The following NBAS variants were observed in gnomAD, a reference collection of about 807,000 sequenced individuals.
NBAS encodes NAG/BC035112 fusion.
Under a neutral mutation model 302.5 loss-of-function variants are expected in NBAS, and 219 were observed. That is an observed-to-expected ratio of 0.72 (90% CI 0.65 to 0.81). The LOEUF (loss-of-function observed/expected upper bound fraction) is 0.81. Among genes scored for constraint, NBAS ranks in the 30% least tolerant of loss-of-function variants. The pLI, the probability that NBAS is intolerant of heterozygous loss-of-function variation, is 0.00. For synonymous variants in NBAS, 1,118 were observed against 1,021.6 expected (o/e 1.09, Z -1.80); for missense variants, 2,932 against 2,841.6 (o/e 1.03, Z -0.72).
the NBAS span, among the ~76,000 whole-genome samples, chr2:14,907,142 A>G: frequency 6.6e-6 from 1 of 152,216 alleles, no homozygotes; most frequent in East Asian, 1.9e-4. Context: ...TGGGGTAGAA[A>G]GGATTTACTC....
intron 6 of NBAS, among the ~76,000 whole-genome samples, chr2:15,549,759 A>G (rs993206800): frequency 6.6e-6 from 1 of 152,080 alleles, no homozygotes; most frequent in Non-Finnish European, 1.5e-5. Context: ...AAATTACTAT[A>G]TAAATAAATA....
At position 15,431,602 on chromosome 2, in the gene NBAS, T is replaced by C. The variant is rs569251712; in HGVS notation, c.2340-3808A>G. On this transcript the variant is annotated intron_variant, in intron 21 of 51. Transcript: ENST00000281513. Reference sequence around the variant, plus strand: ...ACAACACAACAAAAAAATTTTAAAATGATCTCATGGATATCACAAAAATTT... The same window carrying C: ...ACAACACAACAAAAAAATTTTAAAACGATCTCATGGATATCACAAAAATTT... Among the ~76,000 whole-genome samples, 34 of 152,180 alleles carry C rather than the reference T, an allele frequency of 2.2e-4. 1 individual carries two copies. The highest frequency in any genetic ancestry group is 2.0e-3 in the Admixed American group (30 of 15,276).
the NBAS span, among the ~76,000 whole-genome samples, chr2:15,098,357 ATATTG>A: frequency 6.2e-5 from 1 of 16,064 alleles, no homozygotes; most frequent in Non-Finnish European, 1.7e-4. Flanking sequence ...AATATATGAT[ATATTG>A]TATATAATAT....
At position 15,218,809 on chromosome 2, in the gene NBAS, A is replaced by G; in HGVS notation, c.6396T>C (p.Thr2132=). Reference sequence around the variant, plus strand: ...GCCAGGAGGCTTTGAGAATGGCTTCAGTTCTAAAGAACACGAGGAGCTTGC... The same window carrying G: ...GCCAGGAGGCTTTGAGAATGGCTTCGGTTCTAAAGAACACGAGGAGCTTGC... The part of the protein sequence containing the change: ...EDSKLLVFFR[T]EAILKASWPQ... The change falls in exon 48 of 52, where the codon ACT becomes ACC. Residue 2132 remains threonine (T), a synonymous_variant. Coordinates refer to ENST00000281513, the MANE Select transcript of NBAS (RefSeq NM_015909.4). 6.2e-7 allele frequency: 1 copy of G among 1,614,272 alleles called. No homozygotes were observed. The highest frequency in any genetic ancestry group is 1.1e-5 in the South Asian group (1 of 91,090).
At chr2:14,854,062 T>C in the NBAS span, among the ~76,000 whole-genome samples, 13 of 148,148 alleles carry the variant, frequency 8.8e-5, no homozygotes, top group Admixed American at 6.0e-4. Context: ...CCCTAAAACT[T>C]AAAGTATAAT....
chr2:15,254,501 A>C (rs1668498190), intron 44 of NBAS, among the ~76,000 whole-genome samples: 1 of 152,200 alleles, frequency 6.6e-6, no homozygotes, highest in Non-Finnish European at 1.5e-5. Context: ...TTCTTCTTGC[A>C]TGTCACAAGG....
chr2:15,130,336 T>C, the NBAS span, among the ~76,000 whole-genome samples: 1 of 152,266 alleles, frequency 6.6e-6, no homozygotes, highest in Non-Finnish European at 1.5e-5. Context: ...CATTGCTTTT[T>C]TATTATTAAT....
At chr2:15,120,474 C>T in the NBAS span, among the ~76,000 whole-genome samples, 1 of 151,728 alleles carries the variant, frequency 6.6e-6, no homozygotes, top group Non-Finnish European at 1.5e-5. Context: ...CCTCATATGA[C>T]ACTCTGAAGT....
the NBAS span, among the ~76,000 whole-genome samples, chr2:14,926,871 T>C: frequency 2.0e-5 from 3 of 152,254 alleles, no homozygotes; most frequent in Non-Finnish European, 2.9e-5. Context: ...GTTAATTGTA[T>C]GTGTCAACTT....
At chr2:15,268,336 C>T (rs759036242) in intron 44 of NBAS, among the ~76,000 whole-genome samples, 1 of 152,154 alleles carries the variant, frequency 6.6e-6, no homozygotes, top group Admixed American at 6.5e-5. Context: ...GAAGTATATC[C>T]GTCCAACAAT....
the NBAS span, among the ~76,000 whole-genome samples, chr2:14,990,339 G>C: frequency 6.6e-6 from 1 of 151,172 alleles, no homozygotes; most frequent in South Asian, 2.1e-4. Flanking sequence ...CAGGAGAATC[G>C]ATTGAACCTG....
At chr2:15,469,786 A>C (rs944105856) in intron 16 of NBAS, among the ~76,000 whole-genome samples, 3 of 139,194 alleles carry the variant, frequency 2.2e-5, no homozygotes, top group Non-Finnish European at 3.0e-5. Flanking sequence ...GAATTGAACA[A>C]TGAGAACACA....
At chr2:15,126,719 G>A in the NBAS span, among the ~76,000 whole-genome samples, 6 of 152,276 alleles carry the variant, frequency 3.9e-5, no homozygotes, top group East Asian at 3.9e-4. Flanking sequence ...CAGTTGGTAG[G>A]TACTAAGGAG....
At chr2:15,011,384 TA>T in the NBAS span, among the ~76,000 whole-genome samples, 28 of 147,730 alleles carry the variant, frequency 1.9e-4, no homozygotes, top group East Asian at 7.9e-4. Context: ...TTTGAAGAGC[TA>T]AAAAAAAAAG....
At chr2:14,969,209 G>C in the NBAS span, among the ~76,000 whole-genome samples, 18 of 152,118 alleles carry the variant, frequency 1.2e-4, no homozygotes, top group Admixed American at 1.2e-3. Context: ...TGGGTACCGT[G>C]GGGTGAATGC....
intron 38 of NBAS, among the ~76,000 whole-genome samples, chr2:15,320,521 CCTT>C (rs1465356862): frequency 6.6e-6 from 1 of 152,182 alleles, no homozygotes; most frequent in Non-Finnish European, 1.5e-5. Flanking sequence ...CCCAAAATCT[CCTT>C]AAGCTGATAA....
intron 40 of NBAS, among the ~76,000 whole-genome samples, chr2:15,301,582 C>A (rs746110253): frequency 6.6e-6 from 1 of 152,228 alleles, no homozygotes; most frequent in Admixed American, 6.5e-5. Flanking sequence ...TGTCCAAGAA[C>A]AGAACACATC....
At chr2:14,881,039 A>G in the NBAS span, among the ~76,000 whole-genome samples, 12 of 152,214 alleles carry the variant, frequency 7.9e-5, no homozygotes, top group Non-Finnish European at 1.2e-4. Flanking sequence ...TTAAGACTCA[A>G]GAAAGAAAAA....
At chr2:14,788,515 C>G in the NBAS span, among the ~76,000 whole-genome samples, 1 of 152,098 alleles carries the variant, frequency 6.6e-6, no homozygotes, top group Non-Finnish European at 1.5e-5. Flanking sequence ...GATGTCCTTT[C>G]TGTTTGTTAG....
Sources: allele counts gnomAD v4.1 joint callset (sites outside exome capture counted in the v4.1 genomes callset), GRCh38; gene constraint gnomAD v4.1.1; transcripts MANE v1.5; gene names NCBI Gene and HGNC (gene_info 2026-07-23, HGNC 2026-07-21).